M1AP: variants seen among roughly 807,000 people sequenced by gnomAD.
M1AP encodes meiosis 1 associated protein.
In M1AP, 39 loss-of-function variants were observed where a neutral mutation model predicts 51.2. That is an observed-to-expected ratio of 0.76 (90% confidence interval 0.59 to 1.00). M1AP has a LOEUF of 1.00. M1AP is among the 50% of genes least tolerant of loss of function. The pLI, the probability that M1AP is intolerant of heterozygous loss-of-function variation, is 0.00. For synonymous variants in M1AP, 251 were observed against 249.2 expected, an observed-to-expected ratio of 1.01 and a Z score of -0.07; for missense variants, 545 against 641.2, an observed-to-expected ratio of 0.85 and a Z score of 1.62.
At chr2:74,597,839 T>C (rs1217501063) in intron 4 of M1AP, among the ~76,000 whole-genome samples, 1 of 152,232 alleles carries the variant, frequency 6.6e-6, no homozygotes. Context: ...CTATTTTAGT[T>C]TTGACATATT....
chr2:74,564,707 G>GGT (rs1678262025), intron 7 of M1AP, among the ~76,000 whole-genome samples: 1 of 152,026 alleles, frequency 6.6e-6, no homozygotes, highest in African/African-American at 2.4e-5. Flanking sequence ...TACAAATCAT[G>GGT]GTGTGTGTGT....
At chr2:74,597,593 C>T (rs1482027152) in intron 4 of M1AP, among the ~76,000 whole-genome samples, 2 of 152,142 alleles carry the variant, frequency 1.3e-5, no homozygotes, top group African/African-American at 4.8e-5. Context: ...AATACCTTCC[C>T]AAAAGAGCTT....
chr2:74,645,318 C>G (rs1478446730), intron 1 of M1AP, among the ~76,000 whole-genome samples: 1 of 152,214 alleles, frequency 6.6e-6, no homozygotes, highest in African/African-American at 2.4e-5. Flanking sequence ...AACTGTAACA[C>G]CGCCAGGGTC....
intron 3 of M1AP, among the ~76,000 whole-genome samples, chr2:74,608,814 A>ATTTGCATT (rs1681160613): frequency 2.0e-5 from 3 of 152,076 alleles, no homozygotes; most frequent in Admixed American, 2.0e-4. Context: ...TGTTGTTTTA[A>ATTTGCATT]TTTGCATTTC....
At chr2:74,612,858 T>C (rs1447230915) in intron 3 of M1AP, among the ~76,000 whole-genome samples, 1 of 152,198 alleles carries the variant, frequency 6.6e-6, no homozygotes, top group Non-Finnish European at 1.5e-5. Flanking sequence ...GTCATTATTA[T>C]TCAAATGTTT....
intron 2 of M1AP, chr2:74,618,813 T>C (rs10187609): frequency 0.035 from 12,065 of 342,046 alleles, 1,030 homozygotes; most frequent in African/African-American, 0.2. Flanking sequence ...CCTCGTGTGC[T>C]GAGCCTCCCA....
At chr2:74,634,934 A>G (rs1183494781) in intron 2 of M1AP, among the ~76,000 whole-genome samples, 1 of 152,116 alleles carries the variant, frequency 6.6e-6, no homozygotes, top group African/African-American at 2.4e-5. Context: ...CATGAGGGAT[A>G]TCGGTCTTCA....
chr2:74,604,931 C>T (rs1680882006), intron 4 of M1AP, among the ~76,000 whole-genome samples: 1 of 152,094 alleles, frequency 6.6e-6, no homozygotes, highest in African/African-American at 2.4e-5. Flanking sequence ...AAAGTCTGGC[C>T]AGGCATGGTA....
At chr2:74,619,211 C>CT (rs1225760422) in intron 2 of M1AP, 4 of 192,060 alleles carry the variant, frequency 2.1e-5, no homozygotes, top group Non-Finnish European at 4.4e-5. Context: ...AGGTCCCTGT[C>CT]TATGTTTCTG....
chr2:74,648,316 T>A lies in M1AP; in HGVS notation c.-104A>T. 1 of 985,584 alleles carries A rather than the reference T, an allele frequency of 1.0e-6. No homozygotes were observed. Among genetic ancestry groups the A allele is most frequent in the South Asian group, 4.7e-5 (1 of 21,292 alleles). The allele number at this position is 985,584 out of a possible 1,614,324, so 61.1% of individuals were successfully genotyped here. A position where few individuals can be genotyped will look rare whatever the true frequency, so the allele number is the denominator to read the frequency against. ...CACCTGGTCCTCCCGGCTCTCAGCGTGCGCCCGCGCGTTCGGAGGCGCCCC... is the reference window on the plus strand; with the variant it reads ...CACCTGGTCCTCCCGGCTCTCAGCGAGCGCCCGCGCGTTCGGAGGCGCCCC... On this transcript the variant is annotated 5_prime_UTR_variant, in exon 1 of 11. Transcript: ENST00000421985.
At chr2:74,565,873 T>C (rs1384326541) in intron 7 of M1AP, among the ~76,000 whole-genome samples, 2 of 135,320 alleles carry the variant, frequency 1.5e-5, no homozygotes, top group Non-Finnish European at 3.1e-5. Flanking sequence ...ACACAAACAT[T>C]TGGCAAAATC....
chr2:74,591,749 C>T (rs1053310574), intron 4 of M1AP, among the ~76,000 whole-genome samples: 1 of 152,032 alleles, frequency 6.6e-6, no homozygotes, highest in African/African-American at 2.4e-5. Flanking sequence ...TAAGGAAAAG[C>T]TAAAGAAGAC....
chr2:74,593,510 A>T (rs1360382695), intron 4 of M1AP, among the ~76,000 whole-genome samples: 1 of 152,152 alleles, frequency 6.6e-6, no homozygotes, highest in East Asian at 1.9e-4. Flanking sequence ...CCTCCTGAGT[A>T]GCTGGGACTA....
At chr2:74,628,634 A>G (rs1324296308) in intron 2 of M1AP, 2 of 679,652 alleles carry the variant, frequency 2.9e-6, no homozygotes, top group South Asian at 2.7e-5. Flanking sequence ...CAAACACCCA[A>G]TGGTTCTTTC....
intron 1 of M1AP, among the ~76,000 whole-genome samples, chr2:74,643,330 A>C (rs1683419039): frequency 6.6e-6 from 1 of 152,208 alleles, no homozygotes; most frequent in South Asian, 2.1e-4. Context: ...GGCAACATGG[A>C]TGATTCTAAG....
rs568690029 is a variant in M1AP, at chr2:74,599,995, C to T, written c.595+7060G>A. Among the ~76,000 whole-genome samples, 4 of 152,230 alleles carry T rather than the reference C, an allele frequency of 2.6e-5. No individual in the cohort carries two copies. In the South Asian group the frequency reaches 8.3e-4, roughly 32 times the overall value. ...AGAGAGAGGGTTTTGTTATATTGCC[C>T]AGGCTGGTCTCAAACTTCTGAGCCT... On this transcript the variant is annotated intron_variant, in intron 4 of 10. Transcript: ENST00000421985.
chr2:74,621,212 G>T (rs946375677), intron 2 of M1AP, among the ~76,000 whole-genome samples: 14 of 151,990 alleles, frequency 9.2e-5, no homozygotes, highest in African/African-American at 3.4e-4. Context: ...AACCCGGGAG[G>T]TGGAGGTTGC....
intron 7 of M1AP, 77 bp downstream of exon 7, chr2:74,575,361 G>A: frequency 6.3e-7 from 1 of 1,595,070 alleles, no homozygotes; most frequent in Non-Finnish European, 8.6e-7. Context: ...GGATTGGGCA[G>A]AGTTAGTTAG....
At chr2:74,586,132 G>C (rs547298090) in intron 4 of M1AP, among the ~76,000 whole-genome samples, 112 of 152,250 alleles carry the variant, frequency 7.4e-4, no homozygotes, top group Non-Finnish European at 1.4e-3. Context: ...CCTTCATGAA[G>C]TCTGCCATTA....
Sources: gnomAD v4.1 joint callset for allele counts (sites outside exome capture counted in the v4.1 genomes callset) on GRCh38, gnomAD v4.1.1 for gene constraint, MANE v1.5 for transcripts, NCBI Gene and HGNC (gene_info 2026-07-23, HGNC 2026-07-21) for gene names.